DAG1: variants seen among roughly 807,000 people sequenced by gnomAD.
The protein encoded by DAG1 is dystroglycan 1, also known as dystroglycan 1 (dystrophin-associated glycoprotein 1).
Under a neutral mutation model 46.1 loss-of-function variants are expected in DAG1, and 8 were observed. The observed-to-expected ratio is 0.17, with a 90% confidence interval of 0.10 to 0.31. The LOEUF is 0.31. DAG1 is among the 10% of genes least tolerant of loss of function. The probability of loss-of-function intolerance (pLI) is 1.00; values close to 1 mark genes in which losing one functional copy is unlikely to be tolerated. For synonymous variants in DAG1, 495 were observed against 481.8 expected, an observed-to-expected ratio of 1.03 and a Z score of -0.36; for missense variants, 1,003 against 1,189.9, an observed-to-expected ratio of 0.84 and a Z score of 2.31.
chr3:49,526,448 A>G (rs1010138699), intron 2 of DAG1, among the ~76,000 whole-genome samples: 3 of 152,166 alleles, frequency 2.0e-5, no homozygotes, highest in African/African-American at 7.2e-5. Flanking sequence ...GTGGCTCACA[A>G]CTGTAATCCC....
chr3:49,509,258 C>T (rs1276680883), intron 1 of DAG1, among the ~76,000 whole-genome samples: 4 of 152,108 alleles, frequency 2.6e-5, no homozygotes, highest in Non-Finnish European at 4.4e-5. Context: ...CATAGTGGGA[C>T]ACTGTCTGTA....
rs1443865087 is a variant in DAG1 at position 49,533,318 on chromosome 3, A to G, written c.*119A>G. ...ACCGGGAGCCGACACCTGACCTAGC[A>G]CACACTGACACAGGGGCCTGGACAA... On this transcript the variant is annotated 3_prime_UTR_variant, in exon 3 of 3. Coordinates refer to ENST00000308775, the MANE Select transcript of DAG1 (RefSeq NM_004393.6). The G allele has an allele frequency of 1.9e-5, 27 of 1,436,992 alleles. No individual in the cohort carries two copies. Among genetic ancestry groups the G allele is most frequent in the Non-Finnish European group, 2.3e-5 (24 of 1,054,234 alleles). The allele number at this position is 1,436,992 out of a possible 1,614,324, so 89.0% of individuals were successfully genotyped here.
At chr3:49,491,751 C>T (rs2050191786) in intron 1 of DAG1, among the ~76,000 whole-genome samples, 2 of 152,286 alleles carry the variant, frequency 1.3e-5, no homozygotes, top group East Asian at 1.9e-4. Flanking sequence ...GCTAGGATTA[C>T]AGGCGTGAGC....
chr3:49,490,633 G>C (rs950448114), intron 1 of DAG1, among the ~76,000 whole-genome samples: 2 of 151,186 alleles, frequency 1.3e-5, no homozygotes, highest in African/African-American at 4.9e-5. Flanking sequence ...GCAGTGATGA[G>C]ATCTTGGCTT....
intron 1 of DAG1, among the ~76,000 whole-genome samples, chr3:49,475,052 T>A (rs1272564545): frequency 1.3e-5 from 2 of 152,012 alleles, no homozygotes; most frequent in Non-Finnish European, 2.9e-5. Context: ...GACCTCTTGA[T>A]CTGCCTGCCT....
At chr3:49,517,017 G>A (rs886761056) in intron 2 of DAG1, among the ~76,000 whole-genome samples, 12 of 146,588 alleles carry the variant, frequency 8.2e-5, no homozygotes, top group African/African-American at 1.3e-4. Context: ...TAATTGAGAC[G>A]GAGTCTCGCT....
Position 49,531,716 on chromosome 3 carries a change from G to A in DAG1, c.1205G>A (p.Arg402His), listed in dbSNP as rs537829489. ...EAGTTVPGQIRPTMTIPGYVE... is the reference protein window; with the variant it reads ...EAGTTVPGQIHPTMTIPGYVE... ...GGCACCACAGTTCCTGGCCAGATTC[G>A]CCCAACGATGACCATTCCTGGCTAT... The change falls in exon 3 of 3, where the codon CGC (arginine) becomes CAC (histidine). Residue 402 changes from arginine to histidine, a missense_variant. Coordinates refer to ENST00000308775, the MANE Select transcript of DAG1 (RefSeq NM_004393.6). This position sits in a 1 kb window ranked among gnomAD's most constrained non-coding sequence, Gnocchi z 7.0. The A allele has an allele frequency of 2.3e-5, 37 of 1,613,466 alleles. No individual in the cohort carries two copies. The highest frequency in any genetic ancestry group is 3.0e-5 in the Non-Finnish European group (35 of 1,179,910).
rs894752417 is a variant in DAG1 at position 49,530,792 on chromosome 3, T to C, written c.286-5T>C. The C allele has an allele frequency of 3.9e-5, 63 of 1,614,078 alleles. No individual in the cohort carries two copies. The highest frequency in any genetic ancestry group is 5.3e-5 in the Non-Finnish European group (63 of 1,180,042). On this transcript the variant is annotated splice_region_variant and splice_polypyrimidine_tract_variant and intron_variant, in intron 2 of 2. Transcript: ENST00000308775. ...ATTTTTAATTTATGCTTGTGTCTCTTCTAGGTATCAGCGGCAGGGAAGGAG... is the reference window on the plus strand; with the variant it reads ...ATTTTTAATTTATGCTTGTGTCTCTCCTAGGTATCAGCGGCAGGGAAGGAG...
chr3:49,477,537 C>T (rs2049717108), intron 1 of DAG1, among the ~76,000 whole-genome samples: 1 of 152,218 alleles, frequency 6.6e-6, no homozygotes, highest in South Asian at 2.1e-4. Context: ...AAACGATCCT[C>T]CCGCCTCAGC....
rs939085919 is a variant in DAG1 at position 49,484,798 on chromosome 3, T to C, written c.-117+14365T>C. Among the ~76,000 whole-genome samples, 16 of 137,280 alleles carry C rather than the reference T, an allele frequency of 1.2e-4. No homozygotes were observed. The South Asian group carries it at 3.0e-3, about 26-fold the overall frequency. 90.1% of individuals were successfully genotyped at this position (137,280 alleles called of 152,430 possible). Reference sequence around the variant, plus strand: ...TGGGAGCTCAGGAAGCCATTGCTGCTTTTTTTTTTTTTTTTGAGACGGAGT... The same window carrying C: ...TGGGAGCTCAGGAAGCCATTGCTGCCTTTTTTTTTTTTTTTGAGACGGAGT... On this transcript the variant is annotated intron_variant, in intron 1 of 2. Transcript: ENST00000308775.
chr3:49,475,256 C>T (rs573563883), intron 1 of DAG1, among the ~76,000 whole-genome samples: 9 of 151,694 alleles, frequency 5.9e-5, no homozygotes, highest in South Asian at 2.1e-4. Context: ...AGGCATGCGT[C>T]AGCATGCCTG....
intron 2 of DAG1, among the ~76,000 whole-genome samples, chr3:49,524,790 C>T (rs1422731098): frequency 1.3e-5 from 2 of 151,902 alleles, no homozygotes; most frequent in Non-Finnish European, 2.9e-5. Flanking sequence ...TAAAGCCAGT[C>T]TGGGCAATAT....
chr3:49,475,652 TTC>T (rs1254680966), intron 1 of DAG1, among the ~76,000 whole-genome samples: 2 of 151,620 alleles, frequency 1.3e-5, no homozygotes, highest in Non-Finnish European at 2.9e-5. Flanking sequence ...AGGAATAGGG[TTC>T]TCTGTTTTCC....
rs147292984 is a variant in DAG1, at chr3:49,528,275, A to ATTTTTTTTTTTTTTTTTTTTTTTTTTTT, written c.286-2495_286-2494insTTTTTTTTTTTTTTTTTTTTTTTTTTTT. Among the ~76,000 whole-genome samples the ATTTTTTTTTTTTTTTTTTTTTTTTTTTT allele has an allele frequency of 1.8e-4, 12 of 66,630 alleles. 2 individuals are homozygous for ATTTTTTTTTTTTTTTTTTTTTTTTTTTT. Among genetic ancestry groups the ATTTTTTTTTTTTTTTTTTTTTTTTTTTT allele is most frequent in the African/African-American group, 5.5e-4 (8 of 14,516 alleles). 43.7% of individuals were successfully genotyped at this position (66,630 alleles called of 152,430 possible). A position where few individuals can be genotyped will look rare whatever the true frequency, so the allele number is the denominator to read the frequency against. ...CAGCCAAAACATTTGAAATAGTGTGATTTTTTTTTTTTTTTTTTTTTTTTT... is the reference window on the plus strand; with the variant it reads ...CAGCCAAAACATTTGAAATAGTGTGATTTTTTTTTTTTTTTTTTTTTTTTTTTTTTTTTTTTTTTTTTTTTTTTTTTTT... On this transcript the variant is annotated intron_variant, in intron 2 of 2. Coordinates refer to ENST00000308775, the MANE Select transcript of DAG1 (RefSeq NM_004393.6).
rs754252478 is a variant in DAG1 at position 49,531,303 on chromosome 3, C to T, written c.792C>T (p.Cys264=). ...NGALLSWKLG[C]SLNQNSVPDI... is the part of the protein sequence containing the mutation. ...CCCTTCTCTCCTGGAAGCTGGGCTG[C>T]TCCCTGAACCAGAACAGTGTGCCTG... Residue 264 remains cysteine (C), a synonymous_variant, in exon 3 of 3, where the codon TGC becomes TGT. Transcript: ENST00000308775. The surrounding 1 kb of genome is among the most constrained non-coding windows in gnomAD (Gnocchi z 7.0). The T allele has an allele frequency of 1.2e-6, 2 of 1,614,190 alleles. No individual in the cohort carries two copies. Among genetic ancestry groups the T allele is most frequent in the South Asian group, 1.1e-5 (1 of 91,078 alleles).
At chr3:49,504,743 C>T (rs1377772172) in intron 1 of DAG1, among the ~76,000 whole-genome samples, 3 of 148,396 alleles carry the variant, frequency 2.0e-5, no homozygotes, top group African/African-American at 4.9e-5. Flanking sequence ...TACAGGCGCC[C>T]GCTACCACGC....
intron 1 of DAG1, among the ~76,000 whole-genome samples, chr3:49,491,788 T>A (rs1040788949): frequency 6.6e-6 from 1 of 152,104 alleles, no homozygotes; most frequent in Non-Finnish European, 1.5e-5. Context: ...TCCTGCTATT[T>A]TTGTATTTTT....
Position 49,532,401 on chromosome 3 carries a change from A to T in DAG1, c.1890A>T (p.Val630=). 6.2e-7 allele frequency: 1 copy of T among 1,614,176 alleles called. No homozygotes were observed. The highest frequency in any genetic ancestry group is 8.5e-7 in the Non-Finnish European group (1 of 1,180,036). Residue 630 remains valine (V), a synonymous_variant, in exon 3 of 3, where the codon GTA becomes GTT. Coordinates refer to ENST00000308775, the MANE Select transcript of DAG1 (RefSeq NM_004393.6). This position sits in a 1 kb window ranked among gnomAD's most constrained non-coding sequence, Gnocchi z 5.4. ...ACATCCACAAGAAGATTGCCTTGGTAAAGAAACTGGCCTTCGCCTTTGGAG... is the reference window on the plus strand; with the variant it reads ...ACATCCACAAGAAGATTGCCTTGGTTAAGAAACTGGCCTTCGCCTTTGGAG... ...LNDIHKKIAL[V]KKLAFAFGDR...
chr3:49,514,935 G>C (rs1297355334), intron 2 of DAG1, among the ~76,000 whole-genome samples: 1 of 143,366 alleles, frequency 7.0e-6, no homozygotes, highest in Non-Finnish European at 1.5e-5. Context: ...TCTCAGCTCA[G>C]TGCAACCTCC....
Sources: gnomAD v4.1 joint callset for allele counts (sites outside exome capture counted in the v4.1 genomes callset) on GRCh38, gnomAD v4.1.1 for gene constraint, Gnocchi (gnomAD v3.1) non-coding constraint, MANE v1.5 for transcripts, NCBI Gene and HGNC (gene_info 2026-07-23, HGNC 2026-07-21) for gene names.